The following RIPK2 variants were observed in gnomAD, a reference collection of about 807,000 sequenced individuals.
The protein encoded by RIPK2 is receptor interacting serine/threonine kinase 2.
In RIPK2, 38 loss-of-function variants were observed where a neutral mutation model predicts 60.9. That is an observed-to-expected ratio of 0.62 (90% confidence interval 0.48 to 0.82). The LOEUF (loss-of-function observed/expected upper bound fraction) is 0.82. Ranked by LOEUF, RIPK2 falls within the 40% of genes least tolerant of loss-of-function variation. The probability of loss-of-function intolerance (pLI) is 0.00; values close to 1 mark genes in which losing one functional copy is unlikely to be tolerated. For synonymous variants in RIPK2, 225 were observed against 223.4 expected (o/e 1.01, Z -0.06); for missense variants, 518 against 647.0 (o/e 0.80, Z 2.16).
intron 8 of RIPK2, among the ~76,000 whole-genome samples, chr8:89,785,119 G>A (rs1426197283): frequency 6.6e-6 from 1 of 152,048 alleles, no homozygotes; most frequent in East Asian, 1.9e-4. Context: ...GATTTAGTGG[G>A]GACAAACAAA....
rs1360249783 is a variant in RIPK2, at chr8:89,758,175, G to A, written c.115G>A (p.Asp39Asn). The A allele has an allele frequency of 6.2e-7, 1 of 1,610,396 alleles. No homozygotes were observed. Among genetic ancestry groups the A allele is most frequent in the Non-Finnish European group, 8.5e-7 (1 of 1,178,932 alleles). The change falls in exon 1 of 11, where the codon GAC becomes AAC. Residue 39 changes from aspartate to asparagine, a missense_variant. By Grantham distance (23) the Asp-to-Asn change is conservative. Coordinates refer to ENST00000220751, the MANE Select transcript of RIPK2 (RefSeq NM_003821.6). ...SGTVSSARHADWRVQVAVKHL... is the reference protein window; with the variant it reads ...SGTVSSARHANWRVQVAVKHL... ...CACTGTGTCGTCCGCCCGCCACGCAGACTGGCGCGTCCAGGTGGCCGTGAA... is the reference window on the plus strand; with the variant it reads ...CACTGTGTCGTCCGCCCGCCACGCAAACTGGCGCGTCCAGGTGGCCGTGAA...
intron 7 of RIPK2, among the ~76,000 whole-genome samples, chr8:89,783,554 A>G (rs1380269659): frequency 6.6e-6 from 1 of 152,170 alleles, no homozygotes; most frequent in Non-Finnish European, 1.5e-5. Flanking sequence ...CTGCCATTCC[A>G]TTATTGACAC....
intron 8 of RIPK2, 133 bp from the exon 9 acceptor site, chr8:89,786,460 T>G (rs2130587674): frequency 1.6e-6 from 1 of 607,946 alleles, no homozygotes; most frequent in African/African-American, 1.9e-5. Flanking sequence ...GGCAACAGAG[T>G]GAGACCCTGT....
rs757244288 is a variant in RIPK2, at chr8:89,786,672, A to G, written c.1109A>G (p.Asn370Ser). 2.6e-6 allele frequency: 4 copies of G among 1,556,352 alleles called. No individual in the cohort carries two copies. In the Admixed American group the frequency reaches 7.1e-5, roughly 28 times the overall value. ...TSRSLPAPQD[N>S]DFLSRKAQDC... ...AGGTCCCTGCCAGCTCCTCAAGACA[A>G]TGATTTTTTATCTAGTATGTAGATT... The change falls in exon 9 of 11, where the codon AAT (asparagine) becomes AGT (serine). Residue 370 changes from asparagine to serine, a missense_variant. Coordinates refer to ENST00000220751, the MANE Select transcript of RIPK2 (RefSeq NM_003821.6).
intron 2 of RIPK2, among the ~76,000 whole-genome samples, chr8:89,764,652 G>A (rs1809197235): frequency 1.3e-5 from 2 of 152,088 alleles, no homozygotes; most frequent in South Asian, 4.1e-4. Flanking sequence ...TGAGTACTAT[G>A]AAAAATAAAA....
chr8:89,765,246 A>G, intron 2 of RIPK2, 95 bp from the exon 3 acceptor site: 1 of 818,976 alleles, frequency 1.2e-6, no homozygotes. Flanking sequence ...CTTAGTTTAT[A>G]CTGTATTTCC....
At chr8:89,773,865 T>A (rs1279736030) in intron 6 of RIPK2, among the ~76,000 whole-genome samples, 1 of 152,126 alleles carries the variant, frequency 6.6e-6, no homozygotes, top group Non-Finnish European at 1.5e-5. Context: ...CATTAAAAAA[T>A]TTATAATCAG....
chr8:89,786,743 C>A, intron 9 of RIPK2, 57 bp downstream of exon 9: 1 of 995,838 alleles, frequency 1.0e-6, no homozygotes, highest in Non-Finnish European at 1.6e-6. Flanking sequence ...CTTTCAAGAT[C>A]AAATTTTTGC....
chr8:89,765,617 G>A (rs1384393772), intron 3 of RIPK2, 121 bp downstream of exon 3: 9 of 556,630 alleles, frequency 1.6e-5, no homozygotes, highest in Non-Finnish European at 2.7e-5. Flanking sequence ...CTAATGAATA[G>A]TAATTTCCAT....
At position 89,784,044 on chromosome 8, in the gene RIPK2, T is replaced by C. The variant is rs371999731; in HGVS notation, c.940-6T>C. 17 of 1,480,644 alleles carry C rather than the reference T, an allele frequency of 1.1e-5. No homozygotes were observed. The highest frequency in any genetic ancestry group is 2.8e-5 in the African/African-American group (2 of 70,274). 91.7% of individuals were successfully genotyped at this position (1,480,644 alleles called of 1,614,324 possible). On this transcript the variant is annotated splice_region_variant and splice_polypyrimidine_tract_variant and intron_variant, in intron 7 of 10. Transcript: ENST00000220751. The stretch of plus-strand genomic sequence containing the variant: ...AAGTGTATATATATTTATGTATTCA[T>C]TACAGTTACAGAGTGTTTCAAGTGC...
At chr8:89,765,571 C>A in intron 3 of RIPK2, 75 bp downstream of exon 3, 1 of 939,960 alleles carries the variant, frequency 1.1e-6, no homozygotes, top group Non-Finnish European at 1.6e-6. Context: ...ATTTCTTCGA[C>A]CTAGCCAATT....
At chr8:89,759,698 G>A (rs2130538885) in intron 1 of RIPK2, among the ~76,000 whole-genome samples, 1 of 152,354 alleles carries the variant, frequency 6.6e-6, no homozygotes, top group East Asian at 1.9e-4. Flanking sequence ...CTGGACAAGT[G>A]TGTATATGTG....
In RIPK2 at chr8:89,789,373, C is replaced by T; in HGVS notation, c.1176C>T (p.His392=). 1.2e-6 allele frequency: 2 copies of T among 1,614,034 alleles called. No homozygotes were observed. Among genetic ancestry groups the T allele is most frequent in the Non-Finnish European group, 1.7e-6 (2 of 1,179,922 alleles). ...FMKLHHCPGN[H]SWDSTISGSQ... Reference sequence around the variant, plus strand: ...AGCTGCATCACTGTCCTGGAAATCACAGTTGGGATAGCACCATTTCTGGAT... The same window carrying T: ...AGCTGCATCACTGTCCTGGAAATCATAGTTGGGATAGCACCATTTCTGGAT... The change falls in exon 10 of 11, where the codon CAC becomes CAT. Residue 392 remains histidine, a synonymous_variant. Transcript: ENST00000220751.
At chr8:89,780,028 A>T in intron 6 of RIPK2, 47 bp from the exon 7 acceptor site, 1 of 918,278 alleles carries the variant, frequency 1.1e-6, no homozygotes, top group East Asian at 2.7e-5. Flanking sequence ...TCACTTTAAT[A>T]CTTAGAAGCA....
Position 89,762,896 on chromosome 8 carries a change from A to G in RIPK2, c.241A>G (p.Ile81Val), listed in dbSNP as rs1211139281. ...AGCTAGATTTAGTTACATTCTTCCA[A>G]TTTTGGGAATTTGCAATGAGCCTGA... ...HKARFSYILP[I>V]LGICNEPEFL... Residue 81 changes from isoleucine to valine, a missense_variant, in exon 2 of 11, where the codon ATT (isoleucine) becomes GTT (valine). Coordinates refer to ENST00000220751, the MANE Select transcript of RIPK2 (RefSeq NM_003821.6). 1 of 1,546,922 alleles carries G rather than the reference A, an allele frequency of 6.5e-7. No individual in the cohort carries two copies. Among genetic ancestry groups the G allele is most frequent in the East Asian group, 2.3e-5 (1 of 43,336 alleles).
intron 8 of RIPK2, 45 bp from the exon 9 acceptor site, chr8:89,786,548 G>A (rs367674479): frequency 1.1e-5 from 12 of 1,044,158 alleles, no homozygotes; most frequent in African/African-American, 4.9e-5. Context: ...ATTAAAGCTC[G>A]ATAATTTTTA....
chr8:89,782,202 G>T (rs2130579618), intron 7 of RIPK2, among the ~76,000 whole-genome samples: 1 of 152,246 alleles, frequency 6.6e-6, no homozygotes, highest in East Asian at 1.9e-4. Context: ...GTACTAACAG[G>T]GTGGTAGCTT....
chr8:89,785,678 G>C (rs528090359), intron 8 of RIPK2, among the ~76,000 whole-genome samples: 58 of 152,206 alleles, frequency 3.8e-4, no homozygotes, highest in Non-Finnish European at 7.4e-4. Flanking sequence ...TAAACCTGTA[G>C]TATCTTTAAA....
chr8:89,758,356 C>T (rs948811156), intron 1 of RIPK2, 123 bp downstream of exon 1: 1 of 989,630 alleles, frequency 1.0e-6, no homozygotes, highest in Non-Finnish European at 1.4e-6. Context: ...ACCTCGTCAC[C>T]TCTAGGGAGC....
Sources: gnomAD v4.1 joint callset for allele counts (sites outside exome capture counted in the v4.1 genomes callset) on GRCh38, gnomAD v4.1.1 for gene constraint, MANE v1.5 for transcripts, NCBI Gene and HGNC (gene_info 2026-07-23, HGNC 2026-07-21) for gene names.